ZCCHC7: variants seen among roughly 807,000 people sequenced by gnomAD.
ZCCHC7 encodes the protein zinc finger CCHC-type containing 7, also known as zinc finger CCHC domain-containing protein 7.
Under a neutral mutation model 52.0 loss-of-function variants are expected in ZCCHC7, and 35 were observed. That is an observed-to-expected ratio of 0.67 (90% confidence interval 0.51 to 0.89). The LOEUF (loss-of-function observed/expected upper bound fraction) is 0.89. Among genes scored for constraint, ZCCHC7 ranks in the 40% least tolerant of loss-of-function variants. ZCCHC7 has a pLI of 0.00. For synonymous variants in ZCCHC7, 217 were observed against 221.5 expected, an observed-to-expected ratio of 0.98 and a Z score of 0.18; for missense variants, 574 against 649.1, an observed-to-expected ratio of 0.88 and a Z score of 1.26.
chr9:37,147,675 A>G (rs1843495455), intron 2 of ZCCHC7, among the ~76,000 whole-genome samples: 1 of 152,086 alleles, frequency 6.6e-6, no homozygotes, highest in Non-Finnish European at 1.5e-5. Flanking sequence ...CAATCATATT[A>G]GGAATAAAAG....
intron 2 of ZCCHC7, among the ~76,000 whole-genome samples, chr9:37,194,938 C>T (rs1431190985): frequency 6.7e-6 from 1 of 148,368 alleles, no homozygotes; most frequent in Non-Finnish European, 1.5e-5. Context: ...TTCTTGGATT[C>T]TCTTTTTTCT....
Position 37,357,051 on chromosome 9 carries a change from A to G in ZCCHC7, c.1415A>G (p.Asp472Gly). Residue 472 changes from aspartate to glycine, a missense_variant, in exon 9 of 9, where the codon GAT becomes GGT. Around this residue, in one of 3 missense-constraint regions of ZCCHC7, gnomAD observed 168 missense variants for 171.6 expected, o/e 0.98. Transcript: ENST00000336755. ...KADRHREVDE[D>G]FPRGPKTYSS... ...GACAGACATCGTGAAGTGGATGAGGATTTTCCCAGGGGCCCCAAAACCTAC... is the reference window on the plus strand; with the variant it reads ...GACAGACATCGTGAAGTGGATGAGGGTTTTCCCAGGGGCCCCAAAACCTAC... 1 of 1,613,754 alleles carries G rather than the reference A, an allele frequency of 6.2e-7. No individual in the cohort carries two copies.
intron 5 of ZCCHC7, among the ~76,000 whole-genome samples, chr9:37,320,967 A>G (rs2118012657): frequency 6.6e-6 from 1 of 150,564 alleles, no homozygotes; most frequent in South Asian, 2.1e-4. Flanking sequence ...GAGTTTATAT[A>G]ATTGGGTTTT....
intron 2 of ZCCHC7, among the ~76,000 whole-genome samples, chr9:37,242,022 A>G (rs1016121725): frequency 6.6e-6 from 1 of 151,560 alleles, no homozygotes; most frequent in Non-Finnish European, 1.5e-5. Flanking sequence ...ATATTTTCTC[A>G]GATTTTCCAT....
intron 6 of ZCCHC7, among the ~76,000 whole-genome samples, chr9:37,340,843 A>C (rs1207444187): frequency 6.6e-6 from 1 of 152,164 alleles, no homozygotes; most frequent in Non-Finnish European, 1.5e-5. Flanking sequence ...GCCCTAGTAC[A>C]TGATAGTTTA....
At position 37,299,026 on chromosome 9, in the gene ZCCHC7, A is replaced by G. The variant is rs558916161; in HGVS notation, c.611-3162A>G. On this transcript the variant is annotated intron_variant, in intron 2 of 8. Coordinates refer to ENST00000336755, the MANE Select transcript of ZCCHC7 (RefSeq NM_032226.3). The stretch of plus-strand genomic sequence containing the variant: ...TTGTTAAACGGAGTTGATTTCATAC[A>G]AAGAAAGAATTACCAGCTACTGCTT... Among the ~76,000 whole-genome samples the G allele has an allele frequency of 6.6e-5, 10 of 152,260 alleles. No individual in the cohort carries two copies. In the East Asian group the frequency reaches 1.6e-3, roughly 24 times the overall value.
chr9:37,351,458 A>C (rs923002027), intron 7 of ZCCHC7, among the ~76,000 whole-genome samples: 2 of 151,976 alleles, frequency 1.3e-5, no homozygotes, highest in African/African-American at 2.4e-5. Flanking sequence ...GGCACACACC[A>C]CTGTGCCCAG....
intron 2 of ZCCHC7, among the ~76,000 whole-genome samples, chr9:37,133,439 A>G (rs1432552234): frequency 6.7e-6 from 1 of 149,008 alleles, no homozygotes; most frequent in Non-Finnish European, 1.5e-5. Flanking sequence ...GCAGTGGTGC[A>G]GTCTTGGCTC....
At chr9:37,267,569 T>TC (rs1317652292) in intron 2 of ZCCHC7, among the ~76,000 whole-genome samples, 2 of 108,482 alleles carry the variant, frequency 1.8e-5, no homozygotes, top group East Asian at 2.1e-4. Context: ...ATTTTTTCTT[T>TC]TTTTTTTTTT....
chr9:37,317,841 C>T (rs1453907964), intron 5 of ZCCHC7, among the ~76,000 whole-genome samples: 1 of 104,606 alleles, frequency 9.6e-6, no homozygotes, highest in East Asian at 2.1e-4. Context: ...CCACTCCCCC[C>T]GACCCCCCCC....
At chr9:37,179,334 C>T (rs1822225739) in intron 2 of ZCCHC7, among the ~76,000 whole-genome samples, 2 of 152,048 alleles carry the variant, frequency 1.3e-5, no homozygotes, top group Non-Finnish European at 2.9e-5. Context: ...GAACAATACC[C>T]TGTGTGGTGT....
intron 2 of ZCCHC7, among the ~76,000 whole-genome samples, chr9:37,262,079 A>G (rs919881219): frequency 2.6e-5 from 4 of 152,194 alleles, no homozygotes; most frequent in Admixed American, 2.0e-4. Flanking sequence ...AAGCAGCTCC[A>G]TTGGATTGTG....
chr9:37,193,613 G>C (rs929505065), intron 2 of ZCCHC7, among the ~76,000 whole-genome samples: 1 of 151,320 alleles, frequency 6.6e-6, no homozygotes, highest in African/African-American at 2.4e-5. Flanking sequence ...AAATCTAGTA[G>C]CCTTTTAAAA....
chr9:37,194,968 A>G (rs1251531809), intron 2 of ZCCHC7, among the ~76,000 whole-genome samples: 18 of 131,308 alleles, frequency 1.4e-4, no homozygotes, highest in African/African-American at 5.0e-4. Flanking sequence ...TTTTTTTGAG[A>G]TGGGGTCTCA....
At chr9:37,272,713 A>T (rs1827486449) in intron 2 of ZCCHC7, among the ~76,000 whole-genome samples, 1 of 152,188 alleles carries the variant, frequency 6.6e-6, no homozygotes, top group South Asian at 2.1e-4. Flanking sequence ...CTTTTACTGT[A>T]TATTCATGTA....
At chr9:37,155,072 G>A (rs1220968227) in intron 2 of ZCCHC7, among the ~76,000 whole-genome samples, 1 of 152,082 alleles carries the variant, frequency 6.6e-6, no homozygotes, top group East Asian at 1.9e-4. Flanking sequence ...GACATTTAAA[G>A]ATGGCGGGCG....
intron 2 of ZCCHC7, among the ~76,000 whole-genome samples, chr9:37,154,889 TAAC>T (rs1182162128): frequency 6.6e-6 from 1 of 152,252 alleles, no homozygotes; most frequent in African/African-American, 2.4e-5. Context: ...TTTTGACTTT[TAAC>T]TTCTTCAGAT....
At chr9:37,348,390 C>CTTTT (rs201418312) in intron 6 of ZCCHC7, among the ~76,000 whole-genome samples, 1 of 133,174 alleles carries the variant, frequency 7.5e-6, no homozygotes, top group Non-Finnish European at 1.7e-5. Flanking sequence ...TTCTTTCTTT[C>CTTTT]TTTTTTGACA....
At chr9:37,348,391 T>C (rs546144774) in intron 6 of ZCCHC7, among the ~76,000 whole-genome samples, 2 of 150,116 alleles carry the variant, frequency 1.3e-5, no homozygotes, top group African/African-American at 5.0e-5. Context: ...TCTTTCTTTC[T>C]TTTTTGACAT....
Sources: gnomAD v4.1 joint callset for allele counts (sites outside exome capture counted in the v4.1 genomes callset) on GRCh38, gnomAD v4.1.1 for gene constraint, gnomAD v4.1.1 regional missense constraint, MANE v1.5 for transcripts, NCBI Gene and HGNC (gene_info 2026-07-23, HGNC 2026-07-21) for gene names.